The following SETBP1 variants were observed in gnomAD, a reference collection of about 807,000 sequenced individuals.
The protein encoded by SETBP1 is SET-binding protein.
In SETBP1, 9 loss-of-function variants were observed where a neutral mutation model predicts 101.0. That is an observed-to-expected ratio of 0.09 (90% CI 0.05 to 0.16). The LOEUF (loss-of-function observed/expected upper bound fraction) is 0.16. SETBP1 is among the 10% of genes least tolerant of loss of function. The probability of loss-of-function intolerance (pLI) is 1.00; values close to 1 mark genes in which losing one functional copy is unlikely to be tolerated. For missense variants in SETBP1, 1,858 were observed against 2,033.8 expected (o/e 0.91, Z 1.66); for synonymous variants, 818 against 788.5 (o/e 1.04, Z -0.63).
intron 5 of SETBP1, among the ~76,000 whole-genome samples, chr18:45,052,885 TA>T (rs1243208668): frequency 6.6e-6 from 1 of 152,228 alleles, no homozygotes; most frequent in Non-Finnish European, 1.5e-5. Context: ...TGAAAATTCC[TA>T]AAAATCTGAG....
rs369797658 is a variant in SETBP1, at chr18:44,865,085, G to A, written c.487-4145G>A. Among the ~76,000 whole-genome samples, 25 of 152,284 alleles carry A rather than the reference G, an allele frequency of 1.6e-4. No individual in the cohort carries two copies. In the East Asian group the frequency reaches 4.4e-3, roughly 27 times the overall value. On this transcript the variant is annotated intron_variant, in intron 2 of 5. Transcript: ENST00000649279. ...AGAAATCAGCAGCCAGTTATGTCTG[G>A]TTGTCAGCGCTGGATTGGACAGATA...
intron 2 of SETBP1, among the ~76,000 whole-genome samples, chr18:44,855,512 T>A (rs2072957480): frequency 1.3e-5 from 2 of 152,278 alleles, no homozygotes; most frequent in South Asian, 4.1e-4. Flanking sequence ...CCAGACTAGT[T>A]GATGTCTTAA....
intron 3 of SETBP1, among the ~76,000 whole-genome samples, chr18:44,918,021 C>T (rs576911708): frequency 2.6e-5 from 4 of 152,262 alleles, no homozygotes; most frequent in African/African-American, 4.8e-5. Context: ...CACAGCATGC[C>T]GCCCTCGGTT....
chr18:44,860,841 G>A (rs1415913748), intron 2 of SETBP1, among the ~76,000 whole-genome samples: 1 of 152,082 alleles, frequency 6.6e-6, no homozygotes, highest in Non-Finnish European at 1.5e-5. Context: ...TTAAAATGAG[G>A]TCTGGTCATG....
intron 4 of SETBP1, among the ~76,000 whole-genome samples, chr18:45,009,350 A>G (rs940097853): frequency 2.0e-5 from 3 of 150,620 alleles, no homozygotes; most frequent in Non-Finnish European, 4.4e-5. Flanking sequence ...GGCCCAAAGC[A>G]TGGAGCGGAG....
chr18:44,881,724 A>G (rs2069534206), intron 3 of SETBP1, among the ~76,000 whole-genome samples: 1 of 152,130 alleles, frequency 6.6e-6, no homozygotes, highest in Non-Finnish European at 1.5e-5. Flanking sequence ...TACACAGCTG[A>G]GGGAGATTAT....
intron 4 of SETBP1, among the ~76,000 whole-genome samples, chr18:44,958,686 A>G (rs1365799154): frequency 1.3e-5 from 2 of 152,118 alleles, no homozygotes; most frequent in African/African-American, 2.4e-5. Flanking sequence ...ACAAGAAAAA[A>G]ACAGAAAGGT....
intron 2 of SETBP1, among the ~76,000 whole-genome samples, chr18:44,864,066 G>A (rs2144652056): frequency 6.6e-6 from 1 of 152,274 alleles, no homozygotes; most frequent in South Asian, 2.1e-4. Context: ...TTGATAAAGG[G>A]CCAGCAGAGG....
At chr18:45,012,355 C>T (rs1032785519) in intron 4 of SETBP1, among the ~76,000 whole-genome samples, 4 of 152,042 alleles carry the variant, frequency 2.6e-5, no homozygotes, top group Non-Finnish European at 1.5e-5. Flanking sequence ...ATTGGCTAGT[C>T]GGAATAATTT....
intron 5 of SETBP1, among the ~76,000 whole-genome samples, chr18:45,052,286 G>A (rs887505512): frequency 6.6e-6 from 1 of 152,240 alleles, no homozygotes; most frequent in Non-Finnish European, 1.5e-5. Flanking sequence ...ATAGAGAGGA[G>A]CAAACAGATG....
intron 2 of SETBP1, among the ~76,000 whole-genome samples, chr18:44,827,755 A>G (rs1472189236): frequency 6.6e-6 from 1 of 152,210 alleles, no homozygotes; most frequent in African/African-American, 2.4e-5. Flanking sequence ...TAGTCAAAAT[A>G]TAGTCTCTGA....
intron 3 of SETBP1, among the ~76,000 whole-genome samples, chr18:44,908,026 C>G (rs985694964): frequency 3.3e-5 from 5 of 151,824 alleles, no homozygotes; most frequent in African/African-American, 1.2e-4. Context: ...AAGCAGGGCT[C>G]CAGCTCTTCT....
chr18:44,897,841 C>G (rs545821743), intron 3 of SETBP1, among the ~76,000 whole-genome samples: 1 of 152,224 alleles, frequency 6.6e-6, no homozygotes, highest in East Asian at 1.9e-4. Flanking sequence ...ATTCATCAAG[C>G]CAGAAATACA....
chr18:44,969,735 C>A (rs1217888401), intron 4 of SETBP1, among the ~76,000 whole-genome samples: 1 of 152,184 alleles, frequency 6.6e-6, no homozygotes, highest in African/African-American at 2.4e-5. Context: ...TTTTACCCAA[C>A]CCCTCACAAC....
Position 44,927,267 on chromosome 18 carries a change from C to T in SETBP1, c.541-22614C>T, listed in dbSNP as rs2070726649. 7.9e-5 allele frequency among the ~76,000 whole-genome samples: 12 copies of T among 152,260 alleles called. No individual in the cohort carries two copies. The South Asian group carries it at 2.3e-3, about 29-fold the overall frequency. On this transcript the variant is annotated intron_variant, in intron 3 of 5. Coordinates refer to ENST00000649279, the MANE Select transcript of SETBP1 (RefSeq NM_015559.3). ...GAGAGTCAGATGCCTCAGGCTATGA[C>T]CTAATGTAGCTCTGCAGCCTACATT...
intron 5 of SETBP1, among the ~76,000 whole-genome samples, chr18:45,047,851 CAG>C (rs151021347): frequency 1.2e-3 from 176 of 148,574 alleles, no homozygotes; most frequent in Admixed American, 2.2e-3. Context: ...GTGACAAAGA[CAG>C]AGAGAGAGAG....
intron 1 of SETBP1, among the ~76,000 whole-genome samples, chr18:44,689,885 C>T (rs1433444565): frequency 6.6e-6 from 1 of 152,082 alleles, no homozygotes; most frequent in Non-Finnish European, 1.5e-5. Context: ...GATTCATCTC[C>T]CCTAAGCTGA....
intron 4 of SETBP1, among the ~76,000 whole-genome samples, chr18:44,981,543 T>C (rs2072112466): frequency 6.6e-6 from 1 of 152,186 alleles, no homozygotes; most frequent in African/African-American, 2.4e-5. Context: ...GATTGCACAA[T>C]ATAGAGTTGT....
Position 44,952,133 on chromosome 18 carries a change from A to G in SETBP1, c.2793A>G (p.Glu931=), listed in dbSNP as rs944073976. 7 of 1,614,022 alleles carry G rather than the reference A, an allele frequency of 4.3e-6. No individual in the cohort carries two copies. In the African/African-American group the frequency reaches 6.7e-5, roughly 15 times the overall value. The change falls in exon 4 of 6, where the codon GAA becomes GAG. Residue 931 remains glutamate (E), a synonymous_variant. Transcript: ENST00000649279. Reference sequence around the variant, plus strand: ...TTGTGGACAACTTTCTGGCCCACGAAAGCCTCAAGAAGCCAAAGCACAAGA... The same window carrying G: ...TTGTGGACAACTTTCTGGCCCACGAGAGCCTCAAGAAGCCAAAGCACAAGA... The part of the protein sequence containing the change: ...HLIVDNFLAH[E]SLKKPKHKRK...
Sources: gnomAD v4.1 joint callset for allele counts (sites outside exome capture counted in the v4.1 genomes callset) on GRCh38, gnomAD v4.1.1 for gene constraint, MANE v1.5 for transcripts, NCBI Gene and HGNC (gene_info 2026-07-23, HGNC 2026-07-21) for gene names.